C10orf105: variants seen among roughly 807,000 people sequenced by gnomAD.
C10orf105 encodes the protein chromosome 10 open reading frame 105.
Under a neutral mutation model 0.6 loss-of-function variants are expected in C10orf105, and 2 were observed. The ratio of observed to expected loss-of-function variants is 3.18; its 90% confidence interval spans 1.30 to 10.01. C10orf105 has a LOEUF of 10.01. Ranked by LOEUF, C10orf105 falls within the 30% of genes most tolerant of loss-of-function variation. The probability of loss-of-function intolerance (pLI) is 0.04; values close to 1 mark genes in which losing one functional copy is unlikely to be tolerated. For synonymous variants in C10orf105, 95 were observed against 82.4 expected (o/e 1.15, Z -0.83); for missense variants, 209 against 191.4 (o/e 1.09, Z -0.54).
chr10:71,736,789 C>T (rs1839579456), intron 1 of C10orf105, among the ~76,000 whole-genome samples: 1 of 152,166 alleles, frequency 6.6e-6, no homozygotes, highest in African/African-American at 2.4e-5. Flanking sequence ...CCTTGCCTTC[C>T]TAAGTGTACG....
intron 1 of C10orf105, among the ~76,000 whole-genome samples, chr10:71,728,579 G>T (rs573642658): frequency 1.3e-5 from 2 of 152,140 alleles, no homozygotes; most frequent in African/African-American, 4.8e-5. Flanking sequence ...AGACACACAC[G>T]CCTCTGCTGC....
intron 1 of C10orf105, chr10:71,716,621 C>T (rs575023100): frequency 4.2e-5 from 15 of 353,576 alleles, no homozygotes; most frequent in Admixed American, 1.8e-4. Flanking sequence ...GTGGCCTGTC[C>T]GCATTTTCAA....
intron 1 of C10orf105, chr10:71,725,660 G>T: frequency 1.9e-6 from 2 of 1,038,958 alleles, no homozygotes; most frequent in South Asian, 3.3e-5. Context: ...GGGCCTAAGG[G>T]TTCGGTGACA....
chr10:71,724,197 C>A, upstream of C10orf105: 1 of 1,362,698 alleles, frequency 7.3e-7, no homozygotes, highest in Non-Finnish European at 1.0e-6. Context: ...GAGATGAGGC[C>A]AAGAGAACCC....
At chr10:71,730,708 C>A in intron 1 of C10orf105, 1 of 1,505,600 alleles carries the variant, frequency 6.6e-7, no homozygotes, top group East Asian at 2.4e-5. Flanking sequence ...CTTCAGGCTC[C>A]CCATTTAGCC....
intron 1 of C10orf105, among the ~76,000 whole-genome samples, 163 bp downstream of exon 1, chr10:71,719,464 C>T (rs921714119): frequency 5.3e-5 from 8 of 152,198 alleles, no homozygotes; most frequent in African/African-American, 1.9e-4. Flanking sequence ...TGTGTGGCCT[C>T]GGGCTAGTCC....
In C10orf105 at chr10:71,734,270, C is replaced by T. The variant is rs763502163; in HGVS notation, c.-6+3458G>A. ...GATCACAGTCCAGGGCCTGGTGGACCGTGAGAAGGGCGACTTCTATACCTT... is the reference window on the plus strand; with the variant it reads ...GATCACAGTCCAGGGCCTGGTGGACTGTGAGAAGGGCGACTTCTATACCTT... On this transcript the variant is annotated intron_variant, in intron 1 of 1. Transcript: ENST00000398786. The T allele has an allele frequency of 1.2e-5, 19 of 1,612,010 alleles. No individual in the cohort carries two copies. Among genetic ancestry groups the T allele is most frequent in the Middle Eastern group, 3.3e-4 (2 of 6,082 alleles).
chr10:71,716,038 C>A lies in C10orf105; in HGVS notation c.300G>T (p.Leu100=). The A allele has an allele frequency of 6.6e-7, 1 of 1,507,314 alleles. No individual in the cohort carries two copies. 93.4% of individuals were successfully genotyped at this position (1,507,314 alleles called of 1,614,324 possible). A position where few individuals can be genotyped will look rare whatever the true frequency, so the allele number is the denominator to read the frequency against. ...WKRLGSLRLS[L]HSFRHGRPTV... ...TGGGCCGGCCATGGCGGAAGCTGTGCAGGGAGAGGCGCAAGGAGCCCAGGC... is the reference window on the plus strand; with the variant it reads ...TGGGCCGGCCATGGCGGAAGCTGTGAAGGGAGAGGCGCAAGGAGCCCAGGC... Residue 100 remains leucine, a synonymous_variant, in exon 2 of 2, where the codon CTG becomes CTT. Transcript: ENST00000441508.
At position 71,712,436 on chromosome 10, in the gene C10orf105, G is replaced by A; in HGVS notation, c.*3500C>T. On this transcript the variant is annotated 3_prime_UTR_variant, in exon 2 of 2. Transcript: ENST00000441508. ...AAAGTGTCTGCTTCATGGGGTTGCT[G>A]TGAGGACTGAATGGGTTAGAAGAAT... The A allele has an allele frequency of 1.9e-6, 1 of 526,290 alleles. No individual in the cohort carries two copies. Among genetic ancestry groups the A allele is most frequent in the South Asian group, 2.6e-5 (1 of 38,670 alleles). 32.6% of individuals were successfully genotyped at this position (526,290 alleles called of 1,614,324 possible).
intron 1 of C10orf105, among the ~76,000 whole-genome samples, chr10:71,728,949 G>C (rs114831534): frequency 0.013 from 2,018 of 151,862 alleles, 50 homozygotes; most frequent in African/African-American, 0.047. Flanking sequence ...TCTTGCCTCC[G>C]CCTCCCTAGT....
chr10:71,732,863 C>A, intron 1 of C10orf105: 1 of 275,748 alleles, frequency 3.6e-6, no homozygotes, highest in Non-Finnish European at 5.9e-6. Context: ...GCTGGGAATC[C>A]TATAGTTTGA....
chr10:71,736,905 G>A (rs1564766916), intron 1 of C10orf105, among the ~76,000 whole-genome samples: 1 of 152,196 alleles, frequency 6.6e-6, no homozygotes. Context: ...GCTTCCCTGA[G>A]GAAGGGACTC....
chr10:71,720,023 G>A (rs1198696651), upstream of C10orf105, among the ~76,000 whole-genome samples: 1 of 152,240 alleles, frequency 6.6e-6, no homozygotes, highest in African/African-American at 2.4e-5. Context: ...TACTGCCTCT[G>A]CGGCCCCATG....
rs1282269512 is a variant in C10orf105, at chr10:71,715,733, G to T, written c.*203C>A. On this transcript the variant is annotated 3_prime_UTR_variant, in exon 2 of 2. Transcript: ENST00000441508. The stretch of plus-strand genomic sequence containing the variant: ...TCTTTCATCAAGCAGCAGCGAGGGG[G>T]TCTGCAGAGAGGAAGGTGCTCTTCT... 7 of 464,918 alleles carry T rather than the reference G, an allele frequency of 1.5e-5. No homozygotes were observed. Among genetic ancestry groups the T allele is most frequent in the African/African-American group, 1.0e-4 (5 of 49,150 alleles). 28.8% of individuals were successfully genotyped at this position (464,918 alleles called of 1,614,324 possible).
At chr10:71,731,933 C>T (rs1007450836) in intron 1 of C10orf105, 9 of 1,556,546 alleles carry the variant, frequency 5.8e-6, no homozygotes, top group African/African-American at 1.3e-5. Flanking sequence ...GAAGCCACAG[C>T]GCAGCCCCAC....
intron 1 of C10orf105, among the ~76,000 whole-genome samples, chr10:71,731,431 G>A (rs548004547): frequency 9.5e-4 from 145 of 152,318 alleles, no homozygotes; most frequent in Non-Finnish European, 1.6e-3. Flanking sequence ...GCACATACGC[G>A]GCTGTGGCCC....
At chr10:71,730,287 G>A (rs1184783519) in intron 1 of C10orf105, among the ~76,000 whole-genome samples, 2 of 152,122 alleles carry the variant, frequency 1.3e-5, no homozygotes, top group Non-Finnish European at 2.9e-5. Context: ...CACCTGCCAC[G>A]CGCCAGGTGC....
intron 1 of C10orf105, chr10:71,731,963 C>T: frequency 6.2e-7 from 1 of 1,607,178 alleles, no homozygotes; most frequent in Non-Finnish European, 8.5e-7. Flanking sequence ...TCTGGGACTG[C>T]ACAGCCTCTG....
At chr10:71,730,747 A>G (rs1589381253) in intron 1 of C10orf105, 3 of 1,258,942 alleles carry the variant, frequency 2.4e-6, no homozygotes, top group South Asian at 2.8e-5. Context: ...GGCTGCTGGG[A>G]TGGTCTTGAT....
Sources: gnomAD v4.1 joint callset for allele counts (sites outside exome capture counted in the v4.1 genomes callset) on GRCh38, gnomAD v4.1.1 for gene constraint, MANE v1.5 for transcripts, NCBI Gene and HGNC (gene_info 2026-07-23, HGNC 2026-07-21) for gene names.